The following BFSP2 variants were observed in gnomAD, a reference collection of about 807,000 sequenced individuals.
BFSP2 encodes the protein beaded filament structural protein 2.
A neutral mutation model predicts 44.9 loss-of-function variants in BFSP2; 38 were observed. That is an observed-to-expected ratio of 0.85 (90% CI 0.65 to 1.11). The LOEUF is 1.11. Ranked by LOEUF, BFSP2 falls within the 50% of genes least tolerant of loss-of-function variation. The pLI is 0.00. For synonymous variants in BFSP2, 197 were observed against 209.9 expected, an observed-to-expected ratio of 0.94 and a Z score of 0.53; for missense variants, 525 against 533.0, an observed-to-expected ratio of 0.99 and a Z score of 0.15.
At chr3:133,412,496 G>T (rs2073464224) in intron 1 of BFSP2, 1 of 152,292 alleles carries the variant, frequency 6.6e-6, no homozygotes, top group African/African-American at 2.4e-5. Flanking sequence ...GCAGGGTATT[G>T]ATTAGTTCTC....
chr3:133,459,108 G>A (rs1478109122), intron 4 of BFSP2, among the ~76,000 whole-genome samples: 1 of 152,184 alleles, frequency 6.6e-6, no homozygotes, highest in Non-Finnish European at 1.5e-5. Context: ...GGAATGCGGA[G>A]GCAGGAGGAT....
chr3:133,410,307 C>T, intron 1 of BFSP2: 1 of 378,378 alleles, frequency 2.6e-6, no homozygotes, highest in Non-Finnish European at 5.2e-6. Context: ...GCCAGTAGAC[C>T]GGTGCAGGTG....
chr3:133,431,181 G>A (rs997298696), intron 1 of BFSP2, among the ~76,000 whole-genome samples: 66 of 152,050 alleles, frequency 4.3e-4, no homozygotes, highest in African/African-American at 1.6e-3. Context: ...ATCTGCTCCT[G>A]ACATTAAATA....
intron 1 of BFSP2, among the ~76,000 whole-genome samples, chr3:133,434,937 G>A (rs2073766448): frequency 6.6e-6 from 1 of 152,132 alleles, no homozygotes; most frequent in African/African-American, 2.4e-5. Context: ...GCTCCATCAA[G>A]TTCAAGACAC....
chr3:133,418,469 G>A (rs1314236015), intron 1 of BFSP2, among the ~76,000 whole-genome samples: 1 of 152,132 alleles, frequency 6.6e-6, no homozygotes, highest in Non-Finnish European at 1.5e-5. Context: ...CTGGGTGTGG[G>A]TACCCAGCGT....
At chr3:133,473,516 G>T (rs1304569232) in intron 6 of BFSP2, among the ~76,000 whole-genome samples, 3 of 146,746 alleles carry the variant, frequency 2.0e-5, no homozygotes, top group Non-Finnish European at 3.0e-5. Context: ...AGGGGGATTT[G>T]GCAGGGTCAT....
chr3:133,419,358 T>C (rs886388827), intron 1 of BFSP2, among the ~76,000 whole-genome samples: 4 of 152,290 alleles, frequency 2.6e-5, no homozygotes, highest in African/African-American at 9.6e-5. Context: ...GAGGCCACAG[T>C]TAGTGTTCCA....
chr3:133,450,292 G>A lies in BFSP2; in HGVS notation c.730-11G>A. 6.2e-7 allele frequency: 1 copy of A among 1,613,446 alleles called. No individual in the cohort carries two copies. Among genetic ancestry groups the A allele is most frequent in the South Asian group, 1.1e-5 (1 of 91,086 alleles). ...CCGTAACTCATCTAAGATGTATATT[G>A]TTGTTTTCAGGATGTGAAGCTGCTG... On this transcript the variant is annotated splice_polypyrimidine_tract_variant and intron_variant, in intron 3 of 6. Transcript: ENST00000302334.
intron 1 of BFSP2, among the ~76,000 whole-genome samples, chr3:133,435,988 TTC>T (rs1309515250): frequency 6.6e-6 from 1 of 152,226 alleles, no homozygotes; most frequent in African/African-American, 2.4e-5. Context: ...TGTCTTATAC[TTC>T]TTAGTGCCTC....
At chr3:133,433,382 C>T (rs995342185) in intron 1 of BFSP2, among the ~76,000 whole-genome samples, 1 of 152,210 alleles carries the variant, frequency 6.6e-6, no homozygotes, top group Non-Finnish European at 1.5e-5. Context: ...TTGTGGAAAT[C>T]TATCCTCAAG....
intron 1 of BFSP2, among the ~76,000 whole-genome samples, chr3:133,418,897 T>A (rs1325706064): frequency 6.6e-6 from 1 of 152,218 alleles, no homozygotes; most frequent in African/African-American, 2.4e-5. Flanking sequence ...GGCCTCTCCA[T>A]AACATACGGG....
At chr3:133,425,986 AGGGCAGGGC>A in intron 1 of BFSP2, among the ~76,000 whole-genome samples, 1 of 9,704 alleles carries the variant, frequency 1.0e-4, no homozygotes, top group East Asian at 3.6e-3. Flanking sequence ...AGGGGAAGGC[AGGGCAGGGC>A]AGGGCAGGGA....
At chr3:133,458,577 C>T (rs1206314668) in intron 4 of BFSP2, among the ~76,000 whole-genome samples, 1 of 152,160 alleles carries the variant, frequency 6.6e-6, no homozygotes, top group Non-Finnish European at 1.5e-5. Flanking sequence ...CACATGTAAT[C>T]CCAGCTACTG....
intron 1 of BFSP2, 66 bp from the exon 2 acceptor site, chr3:133,447,251 C>A: frequency 6.4e-7 from 1 of 1,553,578 alleles, no homozygotes; most frequent in South Asian, 1.1e-5. Flanking sequence ...TAACACAAGT[C>A]ATGGTGGTAA....
intron 4 of BFSP2, among the ~76,000 whole-genome samples, chr3:133,462,022 T>C (rs796710685): frequency 8.2e-4 from 125 of 151,614 alleles, no homozygotes; most frequent in African/African-American, 2.8e-3. Context: ...TACTGTTTCA[T>C]TGGTTTCTGC....
intron 1 of BFSP2, chr3:133,410,439 A>G (rs563941360): frequency 6.6e-5 from 18 of 274,592 alleles, no homozygotes; most frequent in African/African-American, 2.5e-4. Flanking sequence ...GCGCTCTTCC[A>G]GCCCTGGGAA....
At position 133,475,008 on chromosome 3, in the gene BFSP2, C is replaced by T. The variant is rs201953500; in HGVS notation, c.*36C>T. Reference sequence around the variant, plus strand: ...TCCTCTTTTTCATGAAGAAAACACCCTTCCTCAACAGCTGACCCAAGAAGT... The same window carrying T: ...TCCTCTTTTTCATGAAGAAAACACCTTTCCTCAACAGCTGACCCAAGAAGT... On this transcript the variant is annotated 3_prime_UTR_variant, in exon 7 of 7. Transcript: ENST00000302334. 53 of 1,613,312 alleles carry T rather than the reference C, an allele frequency of 3.3e-5. No homozygotes were observed. The highest frequency in any genetic ancestry group is 4.3e-5 in the Non-Finnish European group (51 of 1,179,240).
rs1373474457 is a variant in BFSP2 at position 133,452,579 on chromosome 3, A to C, written c.891+2115A>C. Among the ~76,000 whole-genome samples, 5 of 152,332 alleles carry C rather than the reference A, an allele frequency of 3.3e-5. No homozygotes were observed. The South Asian group carries it at 1.0e-3, about 32-fold the overall frequency. On this transcript the variant is annotated intron_variant, in intron 4 of 6. Transcript: ENST00000302334. Reference sequence around the variant, plus strand: ...CAGATAACAGATAATTAATGGTCCTAGAGACCATCTGATCCCATTCCCTAA... The same window carrying C: ...CAGATAACAGATAATTAATGGTCCTCGAGACCATCTGATCCCATTCCCTAA...
chr3:133,401,450 T>C (rs1250361315), intron 1 of BFSP2, among the ~76,000 whole-genome samples: 1 of 152,214 alleles, frequency 6.6e-6, no homozygotes, highest in Non-Finnish European at 1.5e-5. Context: ...CTAATGGCTA[T>C]CTTATTGGAC....
Sources: gnomAD v4.1 joint callset for allele counts (sites outside exome capture counted in the v4.1 genomes callset) on GRCh38, gnomAD v4.1.1 for gene constraint, MANE v1.5 for transcripts, NCBI Gene and HGNC (gene_info 2026-07-23, HGNC 2026-07-21) for gene names.